Variants in RAB37 observed in about 807,000 individuals in gnomAD.
The protein encoded by RAB37 is RAB37, member RAS oncogene family.
Under a neutral mutation model 33.1 loss-of-function variants are expected in RAB37, and 29 were observed. The observed-to-expected ratio is 0.88, with a 90% confidence interval of 0.65 to 1.20. The LOEUF (loss-of-function observed/expected upper bound fraction) is 1.20, where lower values mean the gene tolerates loss of function less well. Among genes scored for constraint, RAB37 ranks in the 50% most tolerant of loss-of-function variants. The probability of loss-of-function intolerance (pLI) is 0.00; values close to 1 mark genes in which losing one functional copy is unlikely to be tolerated. For synonymous variants in RAB37, 128 were observed against 119.5 expected (o/e 1.07, Z -0.47); for missense variants, 299 against 301.1 (o/e 0.99, Z 0.05).
chr17:74,727,920 G>A (rs539757718), intron 1 of RAB37, among the ~76,000 whole-genome samples: 20 of 151,774 alleles, frequency 1.3e-4, no homozygotes, highest in South Asian at 4.2e-4. Flanking sequence ...GCATGTTTGC[G>A]TGTATGCTGC....
At chr17:74,710,854 G>A (rs914556262) in intron 1 of RAB37, among the ~76,000 whole-genome samples, 2 of 151,368 alleles carry the variant, frequency 1.3e-5, no homozygotes, top group Non-Finnish European at 2.9e-5. Flanking sequence ...GTGACAGAGC[G>A]AGACTCTGTC....
chr17:74,732,023 C>T (rs377424492), intron 2 of RAB37, among the ~76,000 whole-genome samples: 4 of 139,772 alleles, frequency 2.9e-5, no homozygotes, highest in South Asian at 2.3e-4. Context: ...ACAACAACAA[C>T]AAAAAAAAAA....
intron 1 of RAB37, among the ~76,000 whole-genome samples, chr17:74,706,722 G>A (rs546442739): frequency 4.1e-4 from 62 of 152,232 alleles, no homozygotes; most frequent in African/African-American, 1.4e-3. Flanking sequence ...ACAACCAACG[G>A]CGCGGACAGA....
intron 1 of RAB37, among the ~76,000 whole-genome samples, chr17:74,721,866 G>A (rs956812869): frequency 1.3e-5 from 2 of 152,212 alleles, no homozygotes; most frequent in African/African-American, 4.8e-5. Flanking sequence ...GTATGTATGA[G>A]TGCCTGTTTC....
At position 74,745,142 on chromosome 17, in the gene RAB37, C is replaced by T. The variant is rs2034725994; in HGVS notation, c.566+58C>T. On this transcript the variant is annotated intron_variant, in intron 8 of 8. Transcript: ENST00000392613. The surrounding 1 kb of genome is among the most constrained non-coding windows in gnomAD (Gnocchi z 4.5). ...GGCAGGGCGGCACACTCCAGGAATC[C>T]AGTAGGGCCCGGCCCCTGGCCCAGC... is the stretch of plus-strand genomic sequence containing the variant. The T allele has an allele frequency of 6.3e-7, 1 of 1,589,802 alleles. No individual in the cohort carries two copies. The highest frequency in any genetic ancestry group is 1.7e-5 in the Admixed American group (1 of 59,476).
rs1289120033 is a variant in RAB37 at position 74,671,541 on chromosome 17, G to A, written c.-46G>A. The A allele has an allele frequency of 6.3e-7, 1 of 1,598,368 alleles. No homozygotes were observed. Among genetic ancestry groups the A allele is most frequent in the Non-Finnish European group, 8.6e-7 (1 of 1,166,772 alleles). ...CTCGAACCGAGCTCCTGGAAGCGCT[G>A]ACGCAGAGCGCAGGGAGAGCCGGAG... is the stretch of plus-strand genomic sequence containing the variant. On this transcript the variant is annotated 5_prime_UTR_variant, in exon 1 of 8. Transcript: ENST00000340415. This position sits in a 1 kb window ranked among gnomAD's most constrained non-coding sequence, Gnocchi z 5.0.
intron 4 of RAB37, 43 bp from the exon 5 acceptor site, chr17:74,743,245 C>T (rs373936596): frequency 1.4e-4 from 222 of 1,613,388 alleles, no homozygotes; most frequent in Non-Finnish European, 1.8e-4. Context: ...TGGTAGCATC[C>T]GTGCTGCTGC....
intron 1 of RAB37, among the ~76,000 whole-genome samples, chr17:74,689,244 A>T (rs1445436576): frequency 6.6e-6 from 1 of 152,126 alleles, no homozygotes; most frequent in African/African-American, 2.4e-5. Context: ...GAAGTTCAAG[A>T]CCAGCCTGAC....
rs1422576021 is a variant in RAB37, at chr17:74,745,142, CA to C, written c.566+59del. On this transcript the variant is annotated intron_variant, in intron 8 of 8. Transcript: ENST00000392613. This position sits in a 1 kb window ranked among gnomAD's most constrained non-coding sequence, Gnocchi z 4.5. The stretch of plus-strand genomic sequence containing the variant: ...GGCAGGGCGGCACACTCCAGGAATC[CA>C]GTAGGGCCCGGCCCCTGGCCCAGCC... 8 of 1,589,802 alleles carry C rather than the reference CA, an allele frequency of 5.0e-6. No homozygotes were observed. The Admixed American group carries it at 5.0e-5, about 10-fold the overall frequency.
Position 74,723,718 on chromosome 17 carries a change from A to G in RAB37, c.73-5538A>G, listed in dbSNP as rs1043183185. 3.3e-5 allele frequency among the ~76,000 whole-genome samples: 5 copies of G among 151,588 alleles called. No homozygotes were observed. The East Asian group carries it at 5.8e-4, about 18-fold the overall frequency. On this transcript the variant is annotated intron_variant, in intron 1 of 7. Transcript: ENST00000340415. ...CTCAGCCTCCTGAGTAGCTGGGACT[A>G]CAGGCGCGCATTTTTGCCTGGCTAA... is the stretch of plus-strand genomic sequence containing the variant.
Position 74,745,165 on chromosome 17 carries a change from A to G in RAB37, c.566+81A>G, listed in dbSNP as rs1443755520. On this transcript the variant is annotated intron_variant, in intron 8 of 8. Transcript: ENST00000392613. The surrounding 1 kb of genome is among the most constrained non-coding windows in gnomAD (Gnocchi z 4.5). ...TCCAGTAGGGCCCGGCCCCTGGCCC[A>G]GCCCCTGGACACACCTGCATTCTGC... is the stretch of plus-strand genomic sequence containing the variant. 1.3e-6 allele frequency: 2 copies of G among 1,557,344 alleles called. No homozygotes were observed. The highest frequency in any genetic ancestry group is 1.8e-6 in the Non-Finnish European group (2 of 1,131,120).
intron 1 of RAB37, among the ~76,000 whole-genome samples, chr17:74,700,853 C>T (rs1420507126): frequency 6.6e-6 from 1 of 151,878 alleles, no homozygotes; most frequent in Non-Finnish European, 1.5e-5. Context: ...CCTTTAGTAT[C>T]TCAGAATGTG....
Position 74,730,149 on chromosome 17 carries a change from G to C in RAB37, c.183+783G>C, listed in dbSNP as rs1423843311. 1.3e-5 allele frequency among the ~76,000 whole-genome samples: 2 copies of C among 152,178 alleles called. No individual in the cohort carries two copies. Among genetic ancestry groups the C allele is most frequent in the Non-Finnish European group, 2.9e-5 (2 of 68,036 alleles). The stretch of plus-strand genomic sequence containing the variant: ...AATTCCTGGGAAGACCTTGGGAGAG[G>C]GTTCCACTCCTCTCTCGGGCTGTGG... On this transcript the variant is annotated intron_variant, in intron 2 of 7. Coordinates refer to the RAB37 transcript ENST00000340415. This position sits in a 1 kb window ranked among gnomAD's most constrained non-coding sequence, Gnocchi z 4.4.
intron 1 of RAB37, chr17:74,704,744 T>G: frequency 6.2e-7 from 1 of 1,614,164 alleles, no homozygotes; most frequent in Non-Finnish European, 8.5e-7. Flanking sequence ...GTAAACACAC[T>G]GCACGGTCAA....
chr17:74,702,862 G>A (rs2033180325), intron 1 of RAB37, among the ~76,000 whole-genome samples: 1 of 152,230 alleles, frequency 6.6e-6, no homozygotes, highest in Non-Finnish European at 1.5e-5. Flanking sequence ...TGTGGAGACT[G>A]AAAGGACACC....
chr17:74,719,881 A>G (rs577020264), intron 1 of RAB37, among the ~76,000 whole-genome samples: 22 of 152,316 alleles, frequency 1.4e-4, no homozygotes, highest in African/African-American at 5.1e-4. Context: ...TAAAAGTCTT[A>G]TCTCCATTTC....
At position 74,740,958 on chromosome 17, in the gene RAB37, T is replaced by A. The variant is rs2034599967; in HGVS notation, c.204+80T>A. The A allele has an allele frequency of 3.8e-6, 4 of 1,044,870 alleles. No individual in the cohort carries two copies. In the Admixed American group the frequency reaches 6.8e-5, roughly 18 times the overall value. 64.7% of individuals were successfully genotyped at this position (1,044,870 alleles called of 1,614,324 possible). Reference sequence around the variant, plus strand: ...CATGGGGGGGTTGCCCCCACCTTGCTCACCCTGGCTCCCAGGGACTCCCGA... The same window carrying A: ...CATGGGGGGGTTGCCCCCACCTTGCACACCCTGGCTCCCAGGGACTCCCGA... On this transcript the variant is annotated intron_variant, in intron 2 of 8. Transcript: ENST00000392613.
chr17:74,729,604 C>G lies in RAB37; in HGVS notation c.183+238C>G, dbSNP rs542217070. ...GCCTCAAGCAGGAAGGGAAGGCACC[C>G]TCACCAGAACCCAGGGACAAAGCAG... On this transcript the variant is annotated intron_variant, in intron 2 of 7. Coordinates refer to the RAB37 transcript ENST00000340415. This position sits in a 1 kb window ranked among gnomAD's most constrained non-coding sequence, Gnocchi z 4.2. 6.6e-6 allele frequency among the ~76,000 whole-genome samples: 1 copy of G among 152,078 alleles called. No homozygotes were observed. Among genetic ancestry groups the G allele is most frequent in the East Asian group, 2.0e-4 (1 of 5,106 alleles).
intron 2 of RAB37, 99 bp downstream of exon 2, chr17:74,740,977 C>A: frequency 1.2e-6 from 1 of 867,680 alleles, no homozygotes; most frequent in Non-Finnish European, 1.9e-6. Flanking sequence ...CTCCCAGGGA[C>A]TCCCGAGGCT....
Sources: gnomAD v4.1 joint callset for allele counts (sites outside exome capture counted in the v4.1 genomes callset) on GRCh38, gnomAD v4.1.1 for gene constraint, Gnocchi (gnomAD v3.1) non-coding constraint, MANE v1.5 for transcripts, NCBI Gene and HGNC (gene_info 2026-07-23, HGNC 2026-07-21) for gene names.